The following TMEM87B variants were observed in gnomAD, a reference collection of about 807,000 sequenced individuals.
TMEM87B encodes the protein transmembrane protein 87B.
A neutral mutation model predicts 80.3 loss-of-function variants in TMEM87B; 83 were observed. The observed-to-expected ratio is 1.03, with a 90% CI of 0.87 to 1.24. TMEM87B has a LOEUF of 1.24. TMEM87B is among the 50% of genes most tolerant of loss of function. TMEM87B has a pLI of 0.00. For missense variants in TMEM87B, 625 were observed against 674.4 expected (o/e 0.93, Z 0.81); for synonymous variants, 219 against 230.5 (o/e 0.95, Z 0.45).
chr2:112,085,391 C>T (rs910400366), intron 8 of TMEM87B, among the ~76,000 whole-genome samples: 6 of 152,246 alleles, frequency 3.9e-5, no homozygotes, highest in South Asian at 2.1e-4. Flanking sequence ...GCCTTCAAGT[C>T]CTGATTTAGA....
At chr2:112,104,682 A>G (rs1488580217) in intron 15 of TMEM87B, among the ~76,000 whole-genome samples, 2 of 152,198 alleles carry the variant, frequency 1.3e-5, no homozygotes, top group Non-Finnish European at 2.9e-5. Flanking sequence ...AAAGTTAAGC[A>G]TATACCTACC....
intron 3 of TMEM87B, among the ~76,000 whole-genome samples, chr2:112,066,240 C>A (rs1678432884): frequency 6.6e-6 from 1 of 152,230 alleles, no homozygotes; most frequent in South Asian, 2.1e-4. Flanking sequence ...CCTTTGTTAG[C>A]ATTCTACTAT....
chr2:112,104,599 G>A (rs753908544), intron 15 of TMEM87B, among the ~76,000 whole-genome samples: 8 of 152,150 alleles, frequency 5.3e-5, no homozygotes, highest in Non-Finnish European at 1.2e-4. Flanking sequence ...GGAACAGCTG[G>A]CTCTCTCATA....
intron 16 of TMEM87B, among the ~76,000 whole-genome samples, chr2:112,107,556 C>G (rs972701199): frequency 6.6e-6 from 1 of 152,056 alleles, no homozygotes; most frequent in African/African-American, 2.4e-5. Context: ...AATAATATTT[C>G]ATACATCCAA....
rs1238644844 is a variant in TMEM87B at position 112,118,661 on chromosome 2, A to G, written c.*2518A>G. On this transcript the variant is annotated 3_prime_UTR_variant, in exon 19 of 19. Transcript: ENST00000283206. ...GCCTGAGAGATGATAGAATGTTCCCATATTTTTCTTGTAAAGAAAATAATA... is the reference window on the plus strand; with the variant it reads ...GCCTGAGAGATGATAGAATGTTCCCGTATTTTTCTTGTAAAGAAAATAATA... 6.6e-6 allele frequency: 1 copy of G among 152,194 alleles called. No homozygotes were observed. Among genetic ancestry groups the G allele is most frequent in the African/African-American group, 2.4e-5 (1 of 41,454 alleles). The allele number at this position is 152,194 out of a possible 1,614,324, so 9.4% of individuals were successfully genotyped here. A position where few individuals can be genotyped will look rare whatever the true frequency, so the allele number is the denominator to read the frequency against.
chr2:112,081,973 T>C (rs1233961634), intron 8 of TMEM87B, among the ~76,000 whole-genome samples: 1 of 152,050 alleles, frequency 6.6e-6, no homozygotes, highest in Non-Finnish European at 1.5e-5. Flanking sequence ...CTCCTTGTGC[T>C]CTCCCCACCT....
rs79723447 is a variant in TMEM87B, at chr2:112,064,939, T to C, written c.318+686T>C. 3.6e-4 allele frequency among the ~76,000 whole-genome samples: 55 copies of C among 152,264 alleles called. 1 individual carries two copies. In the East Asian group the frequency reaches 0.01, roughly 28 times the overall value. ...GTATATATCTATACATATACATATATGTGTACATATACCTATACATGTATA... is the reference window on the plus strand; with the variant it reads ...GTATATATCTATACATATACATATACGTGTACATATACCTATACATGTATA... On this transcript the variant is annotated intron_variant, in intron 3 of 18. Coordinates refer to ENST00000283206, the MANE Select transcript of TMEM87B (RefSeq NM_032824.3).
rs78377465 is a variant in TMEM87B at position 112,105,567 on chromosome 2, T to G, written c.1451-435T>G. On this transcript the variant is annotated intron_variant, in intron 15 of 18. Transcript: ENST00000283206. ...GCCTTGGTCAAATATGAAAGAAATC[T>G]TGATCTTTCCTATCTTCTTTATGCC... is the stretch of plus-strand genomic sequence containing the variant. 3.5e-3 allele frequency among the ~76,000 whole-genome samples: 538 copies of G among 152,342 alleles called. 5 individuals are homozygous for G. The highest frequency in any genetic ancestry group is 0.011 in the African/African-American group (456 of 41,578).
intron 9 of TMEM87B, among the ~76,000 whole-genome samples, chr2:112,087,434 G>T (rs890829847): frequency 6.0e-5 from 9 of 150,532 alleles, no homozygotes; most frequent in African/African-American, 1.5e-4. Flanking sequence ...CTGACCTTCG[G>T]TTTTTTTTTC....
chr2:112,109,129 AT>A lies in TMEM87B; in HGVS notation c.1577+1292del, dbSNP rs559216205. ...ACTGTCTTGTTGGGGGACTAGTGTT[AT>A]TTAACTAAACTGTGATAACTGAAAT... On this transcript the variant is annotated intron_variant, in intron 17 of 18. Transcript: ENST00000283206. Among the ~76,000 whole-genome samples, 28 of 152,344 alleles carry A rather than the reference AT, an allele frequency of 1.8e-4. No individual in the cohort carries two copies. The East Asian group carries it at 5.4e-3, about 29-fold the overall frequency.
At chr2:112,087,763 G>A (rs1304465777) in intron 9 of TMEM87B, among the ~76,000 whole-genome samples, 3 of 152,052 alleles carry the variant, frequency 2.0e-5, no homozygotes, top group Non-Finnish European at 4.4e-5. Context: ...TTTCCCCTGT[G>A]CAGCATAACT....
chr2:112,092,436 A>G (rs1166337556), intron 11 of TMEM87B, among the ~76,000 whole-genome samples: 6 of 152,192 alleles, frequency 3.9e-5, no homozygotes. Context: ...TTCCAGAGGC[A>G]GGGGCTGGAG....
chr2:112,055,481 C>T lies in TMEM87B; in HGVS notation c.-111C>T. ...CCAAGCGCGAGCCCCTCCTCCACAC[C>T]CGAGTCCGAGCCCCGCGTCCCGGAT... On this transcript the variant is annotated 5_prime_UTR_variant, in exon 1 of 19. Transcript: ENST00000283206. 7.8e-7 allele frequency: 1 copy of T among 1,282,122 alleles called. No homozygotes were observed. Among genetic ancestry groups the T allele is most frequent in the Non-Finnish European group, 1.0e-6 (1 of 982,220 alleles). The allele number at this position is 1,282,122 out of a possible 1,614,324, so 79.4% of individuals were successfully genotyped here. A position where few individuals can be genotyped will look rare whatever the true frequency, so the allele number is the denominator to read the frequency against.
chr2:112,063,014 C>T (rs983228096), intron 2 of TMEM87B, among the ~76,000 whole-genome samples: 1 of 152,150 alleles, frequency 6.6e-6, no homozygotes. Context: ...GGTACTGTCC[C>T]CCAGAAAATC....
In TMEM87B at chr2:112,107,849, T is replaced by C; in HGVS notation, c.1577+9T>C. On this transcript the variant is annotated intron_variant, in intron 17 of 18. Transcript: ENST00000283206. ...TCTTCATTCACAGATGTGTAAGTTA[T>C]CTTCTGTTACAGTTTGATTGTAAAT... The C allele has an allele frequency of 1.3e-6, 2 of 1,569,204 alleles. No individual in the cohort carries two copies. Among genetic ancestry groups the C allele is most frequent in the East Asian group, 2.3e-5 (1 of 44,306 alleles).
chr2:112,117,539 T>C lies in TMEM87B; in HGVS notation c.*1396T>C, dbSNP rs1680057247. 6.6e-6 allele frequency: 1 copy of C among 152,190 alleles called. No homozygotes were observed. Among genetic ancestry groups the C allele is most frequent in the Non-Finnish European group, 1.5e-5 (1 of 68,038 alleles). The allele number at this position is 152,190 out of a possible 1,614,324, so 9.4% of individuals were successfully genotyped here. A position where few individuals can be genotyped will look rare whatever the true frequency, so the allele number is the denominator to read the frequency against. ...ATCTATTTCTGGTAGTCATATCGCT[T>C]GAAAGGTATTGGTAAATGTGTTTTC... On this transcript the variant is annotated 3_prime_UTR_variant, in exon 19 of 19. Transcript: ENST00000283206.
At position 112,082,644 on chromosome 2, in the gene TMEM87B, A is replaced by G. The variant is rs1464329160; in HGVS notation, c.838+1126A>G. Among the ~76,000 whole-genome samples, 11 of 151,898 alleles carry G rather than the reference A, an allele frequency of 7.2e-5. No homozygotes were observed. In the East Asian group the frequency reaches 1.9e-3, roughly 27 times the overall value. On this transcript the variant is annotated intron_variant, in intron 8 of 18. Coordinates refer to ENST00000283206, the MANE Select transcript of TMEM87B (RefSeq NM_032824.3). Reference sequence around the variant, plus strand: ...ATATTAGAGATATCACTACTCTGTAAGAAGTTTTTTATGGTGTGTGTGTGT... The same window carrying G: ...ATATTAGAGATATCACTACTCTGTAGGAAGTTTTTTATGGTGTGTGTGTGT...
At chr2:112,065,702 G>A (rs1678410066) in intron 3 of TMEM87B, among the ~76,000 whole-genome samples, 1 of 150,332 alleles carries the variant, frequency 6.7e-6, no homozygotes, top group South Asian at 2.1e-4. Flanking sequence ...TTTAGAGCAG[G>A]CGCCCCCGCT....
At chr2:112,097,175 C>T (rs763422543) in intron 12 of TMEM87B, 23 bp downstream of exon 12, 10 of 1,592,760 alleles carry the variant, frequency 6.3e-6, no homozygotes, top group South Asian at 2.3e-5. Flanking sequence ...ATTTTTCTTA[C>T]AGTAAATTAT....
Sources: allele counts gnomAD v4.1 joint callset (sites outside exome capture counted in the v4.1 genomes callset), GRCh38; gene constraint gnomAD v4.1.1; transcripts MANE v1.5; gene names NCBI Gene and HGNC (gene_info 2026-07-23, HGNC 2026-07-21).